Variants in PTPN14 observed in about 807,000 individuals in gnomAD.
PTPN14 encodes protein tyrosine phosphatase non-receptor type 14.
A neutral mutation model predicts 126.8 loss-of-function variants in PTPN14; 53 were observed. That is an observed-to-expected ratio of 0.42 (90% CI 0.34 to 0.53). The LOEUF (loss-of-function observed/expected upper bound fraction) is 0.53, where lower values mean the gene tolerates loss of function less well. Ranked by LOEUF, PTPN14 falls within the 20% of genes least tolerant of loss-of-function variation. PTPN14 has a pLI of 0.08. For synonymous variants in PTPN14, 630 were observed against 599.3 expected, an observed-to-expected ratio of 1.05 and a Z score of -0.75; for missense variants, 1,257 against 1,552.9, an observed-to-expected ratio of 0.81 and a Z score of 3.20.
At chr1:214,527,652 T>G (rs1655433805) in intron 1 of PTPN14, among the ~76,000 whole-genome samples, 1 of 152,224 alleles carries the variant, frequency 6.6e-6, no homozygotes, top group Non-Finnish European at 1.5e-5. Flanking sequence ...CTTCCAAGAT[T>G]CTGAACGGTC....
intron 1 of PTPN14, among the ~76,000 whole-genome samples, chr1:214,542,634 C>A (rs1422650749): frequency 1.3e-5 from 2 of 152,152 alleles, no homozygotes; most frequent in African/African-American, 4.8e-5. Flanking sequence ...GGGAAGGCTG[C>A]CCAGAGAAAG....
rs140715948 is a variant in PTPN14 at position 214,384,676 on chromosome 1, G to A, written c.1179C>T (p.Ser393=). 1.1e-4 allele frequency: 175 copies of A among 1,614,008 alleles called. No homozygotes were observed. The African/African-American group carries it at 1.9e-3, about 17-fold the overall frequency. ...TTTGCGAGCAGTTGAGGGAGTTGAC[G>A]CTGTGAACGCTACACACGCTGCCAT... ...VTNGSVCSVH[S]VNSLNCSQSF... is the part of the protein sequence containing the mutation. Residue 393 remains serine, a synonymous_variant, in exon 13 of 19, where the codon AGC becomes AGT. Coordinates refer to ENST00000366956, the MANE Select transcript of PTPN14 (RefSeq NM_005401.5). This position sits in a 1 kb window ranked among gnomAD's most constrained non-coding sequence, Gnocchi z 5.3.
chr1:214,494,147 T>C (rs1395919946), intron 1 of PTPN14, among the ~76,000 whole-genome samples: 1 of 152,136 alleles, frequency 6.6e-6, no homozygotes, highest in Non-Finnish European at 1.5e-5. Context: ...CTCAGCTCAC[T>C]GCAAGCTCCG....
intron 3 of PTPN14, among the ~76,000 whole-genome samples, chr1:214,443,256 C>T (rs938029067): frequency 6.6e-6 from 1 of 152,154 alleles, no homozygotes; most frequent in Non-Finnish European, 1.5e-5. Context: ...GTCTTCTTCA[C>T]AGTAAAACAT....
chr1:214,412,977 C>T (rs1659343214), intron 4 of PTPN14, among the ~76,000 whole-genome samples: 1 of 152,212 alleles, frequency 6.6e-6, no homozygotes, highest in African/African-American at 2.4e-5. Flanking sequence ...TCAGGCGATC[C>T]TCCCACCTCA....
Position 214,384,436 on chromosome 1 carries a change from G to A in PTPN14, c.1419C>T (p.Asn473=), listed in dbSNP as rs371334674. 4.3e-6 allele frequency: 7 copies of A among 1,614,050 alleles called. No homozygotes were observed. In the South Asian group the frequency reaches 4.4e-5, roughly 10 times the overall value. ...CCTCTGGCTGGTTGTAGGCATGGGT[G>A]TTGATAATGTTGAGGTTTCTCAGAG... ...SQSLRNLNII[N]THAYNQPEDL... The change falls in exon 13 of 19, where the codon AAC becomes AAT. Residue 473 remains asparagine (N), a synonymous_variant. Transcript: ENST00000366956. This position sits in a 1 kb window ranked among gnomAD's most constrained non-coding sequence, Gnocchi z 5.3.
intron 18 of PTPN14, among the ~76,000 whole-genome samples, chr1:214,360,254 C>T (rs984197125): frequency 6.6e-5 from 10 of 152,308 alleles, no homozygotes; most frequent in African/African-American, 2.2e-4. Context: ...TGACATGACA[C>T]GTGCCATCAG....
At chr1:214,516,685 A>G (rs1449411207) in intron 1 of PTPN14, among the ~76,000 whole-genome samples, 3 of 152,216 alleles carry the variant, frequency 2.0e-5, no homozygotes, top group Non-Finnish European at 4.4e-5. Flanking sequence ...TTCCTTGGGT[A>G]TAGATTCAAA....
intron 1 of PTPN14, 88 bp downstream of exon 1, chr1:214,551,095 A>G (rs1051174519): frequency 2.6e-5 from 4 of 152,188 alleles, no homozygotes; most frequent in African/African-American, 9.7e-5. Flanking sequence ...TGGCGTTGCC[A>G]GCGTCTGCCC....
chr1:214,457,130 T>C (rs1220154360), intron 2 of PTPN14, among the ~76,000 whole-genome samples: 2 of 152,182 alleles, frequency 1.3e-5, no homozygotes, highest in Non-Finnish European at 2.9e-5. Context: ...TAATAGGAAA[T>C]GCATGTTAAG....
chr1:214,524,463 G>A (rs1319984810), intron 1 of PTPN14, among the ~76,000 whole-genome samples: 3 of 151,706 alleles, frequency 2.0e-5, no homozygotes, highest in East Asian at 3.9e-4. Context: ...ACCAGCCTGG[G>A]CAAAAAAACA....
chr1:214,497,229 G>T (rs1192618912), intron 1 of PTPN14, among the ~76,000 whole-genome samples: 1 of 151,972 alleles, frequency 6.6e-6, no homozygotes, highest in Non-Finnish European at 1.5e-5. Context: ...CTCAATAATC[G>T]ATCAGAAACT....
intron 3 of PTPN14, among the ~76,000 whole-genome samples, chr1:214,446,700 T>G (rs749571238): frequency 6.6e-6 from 1 of 152,058 alleles, no homozygotes. Context: ...TTGACTCCTA[T>G]GTGTCTTGAT....
chr1:214,423,759 T>C (rs943344348), intron 3 of PTPN14, among the ~76,000 whole-genome samples: 17 of 151,724 alleles, frequency 1.1e-4, no homozygotes, highest in African/African-American at 3.9e-4. Context: ...GGTGGGTGGA[T>C]CATTTGAGGT....
intron 1 of PTPN14, among the ~76,000 whole-genome samples, chr1:214,470,320 C>T (rs1660725431): frequency 6.6e-6 from 1 of 151,988 alleles, no homozygotes. Context: ...GCTAACAATG[C>T]TGACTCCTAA....
chr1:214,536,723 A>T (rs1655717863), intron 1 of PTPN14, among the ~76,000 whole-genome samples: 1 of 152,158 alleles, frequency 6.6e-6, no homozygotes, highest in Non-Finnish European at 1.5e-5. Flanking sequence ...TCAAAAAAAT[A>T]AAAAAATACA....
chr1:214,393,697 A>T lies in PTPN14; in HGVS notation c.927T>A (p.Thr309=). Residue 309 remains threonine, a splice_region_variant and synonymous_variant, in exon 10 of 19, where the codon ACT becomes ACA. Coordinates refer to ENST00000366956, the MANE Select transcript of PTPN14 (RefSeq NM_005401.5). ...GGGGGGATTAAATGTTTACTTACTC[A>T]GTGCAGATTTTGTTTTGTTTGTAAA... The part of the protein sequence containing the change: ...HKFYKQNKIC[T]EQSNSPPPIR... 1 of 1,571,368 alleles carries T rather than the reference A, an allele frequency of 6.4e-7. No homozygotes were observed. Among genetic ancestry groups the T allele is most frequent in the Non-Finnish European group, 8.8e-7 (1 of 1,141,118 alleles).
intron 3 of PTPN14, among the ~76,000 whole-genome samples, chr1:214,451,162 T>C (rs1050918916): frequency 1.7e-4 from 9 of 51,704 alleles, no homozygotes; most frequent in African/African-American, 6.8e-4. Flanking sequence ...GTTTTTGTTG[T>C]TTTTGTTTTT....
At chr1:214,546,682 C>A (rs1655977059) in intron 1 of PTPN14, among the ~76,000 whole-genome samples, 1 of 152,126 alleles carries the variant, frequency 6.6e-6, no homozygotes, top group African/African-American at 2.4e-5. Flanking sequence ...CCCTATTGAC[C>A]AACATAAAGC....
Sources: allele counts gnomAD v4.1 joint callset (sites outside exome capture counted in the v4.1 genomes callset), GRCh38; gene constraint gnomAD v4.1.1; non-coding constraint Gnocchi (gnomAD v3.1); transcripts MANE v1.5; gene names NCBI Gene and HGNC (gene_info 2026-07-23, HGNC 2026-07-21).